The following TENM3 variants were observed in gnomAD, a reference collection of about 807,000 sequenced individuals.
TENM3 encodes teneurin-3.
A neutral mutation model predicts 255.1 loss-of-function variants in TENM3; 63 were observed. That is an observed-to-expected ratio of 0.25 (90% CI 0.20 to 0.30). The LOEUF is 0.30. Ranked by LOEUF, TENM3 falls within the 10% of genes least tolerant of loss-of-function variation. TENM3 has a pLI of 1.00. For synonymous variants in TENM3, 1,306 were observed against 1,322.3 expected, an observed-to-expected ratio of 0.99 and a Z score of 0.27; for missense variants, 2,929 against 3,461.1, an observed-to-expected ratio of 0.85 and a Z score of 3.86.
chr4:182,290,018 G>A (rs6850813), intron 1 of TENM3, among the ~76,000 whole-genome samples: 4,253 of 152,190 alleles, frequency 0.028, 203 homozygotes, highest in African/African-American at 0.096. Flanking sequence ...CTACGGTGCT[G>A]TCCAAGGTTC....
the TENM3 span, among the ~76,000 whole-genome samples, chr4:182,132,850 T>A: frequency 6.6e-6 from 1 of 152,196 alleles, no homozygotes; most frequent in Non-Finnish European, 1.5e-5. Context: ...AAAGTGTAAT[T>A]AATCCTGGCT....
chr4:182,124,369 CAATCTA>C, the TENM3 span, among the ~76,000 whole-genome samples: 2 of 152,132 alleles, frequency 1.3e-5, no homozygotes, highest in African/African-American at 4.8e-5. Flanking sequence ...CCCGTTTACA[CAATCTA>C]GTGGAAATGT....
chr4:181,527,104 G>T, the TENM3 span, among the ~76,000 whole-genome samples: 2 of 152,168 alleles, frequency 1.3e-5, no homozygotes, highest in African/African-American at 2.4e-5. Flanking sequence ...TTTGCACAGA[G>T]ACCAGCTGCT....
intron 3 of TENM3, among the ~76,000 whole-genome samples, chr4:182,427,458 A>G (rs1343225056): frequency 6.6e-6 from 1 of 152,190 alleles, no homozygotes; most frequent in Non-Finnish European, 1.5e-5. Context: ...CTTTTCTGCA[A>G]CAGAATTGTT....
At chr4:182,038,638 C>T in the TENM3 span, among the ~76,000 whole-genome samples, 1 of 152,180 alleles carries the variant, frequency 6.6e-6, no homozygotes. Flanking sequence ...GCAACAATTA[C>T]ATGTGGCAAG....
intron 3 of TENM3, among the ~76,000 whole-genome samples, chr4:182,586,872 CT>C (rs1392304060): frequency 6.6e-6 from 1 of 152,026 alleles, no homozygotes; most frequent in Non-Finnish European, 1.5e-5. Flanking sequence ...AAAAAAATAA[CT>C]GCAAAATTAA....
At chr4:181,675,123 G>C in the TENM3 span, among the ~76,000 whole-genome samples, 1 of 151,808 alleles carries the variant, frequency 6.6e-6, no homozygotes, top group East Asian at 1.9e-4. Flanking sequence ...CCTGAATCCG[G>C]GTATATTAGA....
intron 3 of TENM3, among the ~76,000 whole-genome samples, chr4:182,462,150 C>G (rs756274263): frequency 1.3e-5 from 2 of 151,484 alleles, no homozygotes; most frequent in Non-Finnish European, 2.9e-5. Flanking sequence ...CTTACTGTAA[C>G]CTTTAACTTC....
the TENM3 span, among the ~76,000 whole-genome samples, chr4:181,677,773 G>A: frequency 1.3e-5 from 2 of 151,996 alleles, no homozygotes; most frequent in Non-Finnish European, 2.9e-5. Flanking sequence ...GCCATACTTA[G>A]CCCTGGAGTC....
the TENM3 span, among the ~76,000 whole-genome samples, chr4:182,019,954 C>T: frequency 5.3e-5 from 8 of 152,080 alleles, no homozygotes; most frequent in Admixed American, 3.9e-4. Context: ...GGATTACAGA[C>T]GTGAGCCACT....
At chr4:182,178,377 A>C (rs1752647083) in intron 1 of TENM3, among the ~76,000 whole-genome samples, 1 of 152,162 alleles carries the variant, frequency 6.6e-6, no homozygotes, top group Admixed American at 6.6e-5. Context: ...CCAGTGAAAG[A>C]TCATTACCTT....
the TENM3 span, among the ~76,000 whole-genome samples, chr4:181,938,230 GA>G: frequency 6.6e-6 from 1 of 152,096 alleles, no homozygotes; most frequent in Non-Finnish European, 1.5e-5. Context: ...TTATTATATA[GA>G]TGAGAAAACC....
intron 3 of TENM3, among the ~76,000 whole-genome samples, chr4:182,544,177 T>C (rs1267578209): frequency 2.0e-5 from 3 of 152,190 alleles, no homozygotes; most frequent in African/African-American, 4.8e-5. Flanking sequence ...TGTAAGTTTT[T>C]AGTTGATTGT....
At chr4:182,275,473 G>A (rs563749575) in intron 1 of TENM3, among the ~76,000 whole-genome samples, 2 of 152,326 alleles carry the variant, frequency 1.3e-5, no homozygotes, top group East Asian at 3.9e-4. Flanking sequence ...TCCTTAGGCA[G>A]ATTTTGACAG....
the TENM3 span, among the ~76,000 whole-genome samples, chr4:181,906,885 T>A: frequency 6.6e-6 from 1 of 152,048 alleles, no homozygotes; most frequent in Non-Finnish European, 1.5e-5. Context: ...ACCTTTTTAT[T>A]TTTTATTTTT....
intron 1 of TENM3, among the ~76,000 whole-genome samples, chr4:182,308,237 C>G (rs1401615636): frequency 6.6e-6 from 1 of 152,202 alleles, no homozygotes; most frequent in Non-Finnish European, 1.5e-5. Flanking sequence ...CCAACCCCCT[C>G]AGCAGATGAC....
At chr4:182,236,512 T>C (rs1756909634) in intron 1 of TENM3, among the ~76,000 whole-genome samples, 1 of 152,260 alleles carries the variant, frequency 6.6e-6, no homozygotes, top group African/African-American at 2.4e-5. Context: ...CCCTGGGCAA[T>C]TACTTCTATT....
chr4:182,301,003 T>C (rs1468015529), intron 1 of TENM3, among the ~76,000 whole-genome samples: 2 of 152,220 alleles, frequency 1.3e-5, no homozygotes, highest in Admixed American at 6.5e-5. Context: ...TGCATTTGAA[T>C]TTTAAAGCTC....
At chr4:181,615,406 C>T in the TENM3 span, among the ~76,000 whole-genome samples, 1 of 152,142 alleles carries the variant, frequency 6.6e-6, no homozygotes, top group Admixed American at 6.5e-5. Context: ...TATCCCACGC[C>T]CGTTCAACTA....
Sources: gnomAD v4.1 joint callset for allele counts (sites outside exome capture counted in the v4.1 genomes callset) on GRCh38, gnomAD v4.1.1 for gene constraint, MANE v1.5 for transcripts, NCBI Gene and HGNC (gene_info 2026-07-23, HGNC 2026-07-21) for gene names.